The following KDM5A variants were observed in gnomAD, a reference collection of about 807,000 sequenced individuals.
The protein encoded by KDM5A is lysine demethylase 5A, also known as lysine-specific demethylase 5A.
KDM5A carries 42 observed loss-of-function variants against 193.5 expected under a neutral mutation model. The observed-to-expected ratio is 0.22, with a 90% CI of 0.17 to 0.28. The LOEUF is 0.28. Ranked by LOEUF, KDM5A falls within the 10% of genes least tolerant of loss-of-function variation. The pLI is 1.00. For synonymous variants in KDM5A, 796 were observed against 718.1 expected (o/e 1.11, Z -1.73); for missense variants, 1,692 against 2,055.1 (o/e 0.82, Z 3.42).
chr12:383,190 A>G (rs944740443), intron 3 of KDM5A, among the ~76,000 whole-genome samples: 2 of 148,850 alleles, frequency 1.3e-5, no homozygotes, highest in African/African-American at 5.0e-5. Flanking sequence ...GCTGAGAAAC[A>G]TGAGTTTCTT....
At chr12:295,330 A>G (rs1340751860) in intron 26 of KDM5A, among the ~76,000 whole-genome samples, 3 of 152,040 alleles carry the variant, frequency 2.0e-5, no homozygotes, top group African/African-American at 4.8e-5. Flanking sequence ...AAGAAAAAGA[A>G]AAAGAGAAAG....
At chr12:355,301 C>T (rs1305424496) in intron 6 of KDM5A, 52 bp from the exon 7 acceptor site, 1 of 949,474 alleles carries the variant, frequency 1.1e-6, no homozygotes, top group Non-Finnish European at 1.7e-6. Flanking sequence ...TGAGAGCTTA[C>T]TATGGACCAG....
intron 5 of KDM5A, among the ~76,000 whole-genome samples, chr12:361,227 C>T (rs1163626665): frequency 6.6e-6 from 1 of 151,898 alleles, no homozygotes; most frequent in Non-Finnish European, 1.5e-5. Context: ...CGGAGTCTTG[C>T]TCTGTCGCCC....
intron 10 of KDM5A, among the ~76,000 whole-genome samples, chr12:348,897 T>TA (rs375838932): frequency 1.7e-3 from 247 of 148,686 alleles, no homozygotes; most frequent in African/African-American, 6.1e-3. Flanking sequence ...CCCTAGAACT[T>TA]AAAGTGTAAT....
intron 18 of KDM5A, among the ~76,000 whole-genome samples, chr12:319,398 A>G (rs1230705011): frequency 6.6e-6 from 1 of 152,216 alleles, no homozygotes; most frequent in East Asian, 1.9e-4. Flanking sequence ...AGCAGCCAGC[A>G]CTTGTTTAAA....
intron 3 of KDM5A, among the ~76,000 whole-genome samples, chr12:378,484 A>C (rs559753686): frequency 6.6e-5 from 10 of 152,292 alleles, no homozygotes; most frequent in African/African-American, 2.2e-4. Context: ...AAGTTTATCT[A>C]GAACTCCTGG....
intron 21 of KDM5A, among the ~76,000 whole-genome samples, chr12:310,544 G>C (rs1943570743): frequency 6.6e-6 from 1 of 152,248 alleles, no homozygotes; most frequent in African/African-American, 2.4e-5. Flanking sequence ...TGAGGTGAAA[G>C]GATCACTTGA....
At chr12:323,571 T>G in intron 15 of KDM5A, 29 bp downstream of exon 15, 1 of 1,601,308 alleles carries the variant, frequency 6.2e-7, no homozygotes, top group Non-Finnish European at 8.6e-7. Context: ...AAAAAGGTAA[T>G]GGAAGTTTTA....
intron 3 of KDM5A, among the ~76,000 whole-genome samples, chr12:380,679 T>A (rs901202198): frequency 1.3e-5 from 2 of 151,838 alleles, no homozygotes; most frequent in African/African-American, 2.4e-5. Flanking sequence ...GCCAAGATTG[T>A]GCCACTGCAC....
Position 376,072 on chromosome 12 carries a change from C to T in KDM5A, c.366+7959G>A, listed in dbSNP as rs893747205. ...AGTCTGCCCGTTCTCAGATCTCAAA[C>T]TCCATGCTGGGAGAACCACTGCTCT... On this transcript the variant is annotated intron_variant, in intron 3 of 27. Coordinates refer to ENST00000399788, the MANE Select transcript of KDM5A (RefSeq NM_001042603.3). Among the ~76,000 whole-genome samples the T allele has an allele frequency of 2.0e-5, 3 of 152,158 alleles. No homozygotes were observed. In the South Asian group the frequency reaches 6.2e-4, roughly 31 times the overall value.
chr12:351,753 G>C (rs1944162786), intron 9 of KDM5A, among the ~76,000 whole-genome samples: 3 of 152,136 alleles, frequency 2.0e-5, no homozygotes, highest in Admixed American at 2.0e-4. Flanking sequence ...CAGATCACTT[G>C]AGGTCAGGAG....
intron 17 of KDM5A, 60 bp from the exon 18 acceptor site, chr12:321,169 G>C (rs1943711614): frequency 8.5e-7 from 1 of 1,173,976 alleles, no homozygotes; most frequent in Admixed American, 1.7e-5. Context: ...GATATCAAAA[G>C]GGCTCCTAGT....
At chr12:314,604 G>C (rs1484608830) in intron 19 of KDM5A, among the ~76,000 whole-genome samples, 1 of 152,190 alleles carries the variant, frequency 6.6e-6, no homozygotes, top group African/African-American at 2.4e-5. Flanking sequence ...CATACTAGGA[G>C]AACCTAATTG....
intron 1 of KDM5A, among the ~76,000 whole-genome samples, chr12:387,079 T>C (rs1013642081): frequency 7.2e-5 from 11 of 152,120 alleles, no homozygotes; most frequent in African/African-American, 2.7e-4. Context: ...AACCCAAATA[T>C]TCAAAAAACA....
intron 14 of KDM5A, among the ~76,000 whole-genome samples, chr12:328,377 A>G (rs1474415931): frequency 2.6e-5 from 4 of 152,212 alleles, no homozygotes; most frequent in Non-Finnish European, 5.9e-5. Flanking sequence ...GTTCAATGTG[A>G]TGATGCTTAG....
At position 280,778 on chromosome 12, in the gene KDM5A, A is replaced by C; in HGVS notation, c.*4678T>G. ...AAAGTGAGGAAATGTGTTGGTCATCACTGGATTCTTGCTGGAAACAGAAGG... is the reference window on the plus strand; with the variant it reads ...AAAGTGAGGAAATGTGTTGGTCATCCCTGGATTCTTGCTGGAAACAGAAGG... On this transcript the variant is annotated 3_prime_UTR_variant, in exon 28 of 28. Transcript: ENST00000399788. 1 of 233,004 alleles carries C rather than the reference A, an allele frequency of 4.3e-6. No individual in the cohort carries two copies. The highest frequency in any genetic ancestry group is 8.5e-6 in the Non-Finnish European group (1 of 117,876). 14.4% of individuals were successfully genotyped at this position (233,004 alleles called of 1,614,324 possible).
intron 17 of KDM5A, among the ~76,000 whole-genome samples, chr12:321,774 T>G (rs1376907567): frequency 6.6e-6 from 1 of 152,168 alleles, no homozygotes; most frequent in South Asian, 2.1e-4. Context: ...TCCATCAAGG[T>G]TACCCTTTGC....
chr12:355,407 C>T (rs1250474246), intron 6 of KDM5A, among the ~76,000 whole-genome samples, 158 bp from the exon 7 acceptor site: 1 of 152,116 alleles, frequency 6.6e-6, no homozygotes, highest in Non-Finnish European at 1.5e-5. Flanking sequence ...GATGAAGAAC[C>T]TGAGGTACAG....
At chr12:315,536 T>C (rs559369262) in intron 19 of KDM5A, among the ~76,000 whole-genome samples, 21 of 151,874 alleles carry the variant, frequency 1.4e-4, no homozygotes, top group African/African-American at 3.9e-4. Context: ...AATGGCACCA[T>C]TGCACACCCC....
Sources: gnomAD v4.1 joint callset for allele counts (sites outside exome capture counted in the v4.1 genomes callset) on GRCh38, gnomAD v4.1.1 for gene constraint, MANE v1.5 for transcripts, NCBI Gene and HGNC (gene_info 2026-07-23, HGNC 2026-07-21) for gene names.